KCNQ2: variants seen among roughly 807,000 people sequenced by gnomAD.
KCNQ2 encodes potassium voltage-gated channel subfamily KQT member 2.
KCNQ2 carries 14 observed loss-of-function variants against 84.8 expected under a neutral mutation model. That is an observed-to-expected ratio of 0.17 (90% CI 0.11 to 0.26). KCNQ2 has a LOEUF of 0.26. KCNQ2 is among the 10% of genes least tolerant of loss of function. The pLI is 1.00. For missense variants in KCNQ2, 788 were observed against 1,254.0 expected (o/e 0.63, Z 5.61); for synonymous variants, 599 against 554.1 (o/e 1.08, Z -1.14).
chr20:63,419,965 G>T (rs1306029321), intron 11 of KCNQ2, among the ~76,000 whole-genome samples: 3 of 151,838 alleles, frequency 2.0e-5, no homozygotes, highest in African/African-American at 7.3e-5. Context: ...ATTATTTTTT[G>T]CAGTATTCAT....
At position 63,439,718 on chromosome 20, in the gene KCNQ2, C is replaced by T. The variant is rs375363057; in HGVS notation, c.817-10G>A. Reference sequence around the variant, plus strand: ...TGGTGGTCAGCGTGATCTGTGGGACCGCAGGCTCTAGTCACACGAAGGGCC... The same window carrying T: ...TGGTGGTCAGCGTGATCTGTGGGACTGCAGGCTCTAGTCACACGAAGGGCC... On this transcript the variant is annotated splice_polypyrimidine_tract_variant and intron_variant, in intron 5 of 16. Transcript: ENST00000359125. The T allele has an allele frequency of 5.6e-6, 9 of 1,599,912 alleles. No individual in the cohort carries two copies. Among genetic ancestry groups the T allele is most frequent in the African/African-American group, 1.3e-5 (1 of 74,782 alleles).
chr20:63,451,509 A>G (rs963559989), intron 1 of KCNQ2, among the ~76,000 whole-genome samples: 2 of 152,102 alleles, frequency 1.3e-5, no homozygotes, highest in African/African-American at 2.4e-5. Context: ...GGCTTTTGTG[A>G]TTGAAACAGC....
chr20:63,432,606 ACCCACAGGGAAGG>A (rs2080850282), intron 8 of KCNQ2, among the ~76,000 whole-genome samples: 1 of 145,434 alleles, frequency 6.9e-6, no homozygotes, highest in South Asian at 2.2e-4. Flanking sequence ...GGAAGGCTCC[ACCCACAGGGAAGG>A]CTCCACCCTC....
At chr20:63,442,937 A>T in intron 4 of KCNQ2, among the ~76,000 whole-genome samples, 1 of 111,492 alleles carries the variant, frequency 9.0e-6, no homozygotes, top group Non-Finnish European at 2.0e-5. Flanking sequence ...CACCATCACC[A>T]CCACCATCAC....
At chr20:63,426,959 G>A (rs149701163) in intron 10 of KCNQ2, among the ~76,000 whole-genome samples, 163 of 152,294 alleles carry the variant, frequency 1.1e-3, no homozygotes, top group African/African-American at 3.7e-3. Flanking sequence ...AGTGGCTCAC[G>A]CCTGTAATCC....
In KCNQ2 at chr20:63,405,904, G is replaced by C. The variant is rs1397536027; in HGVS notation, c.*740C>G. 6.6e-6 allele frequency: 1 copy of C among 152,142 alleles called. No homozygotes were observed. The allele number at this position is 152,142 out of a possible 1,614,324, so 9.4% of individuals were successfully genotyped here. On this transcript the variant is annotated 3_prime_UTR_variant, in exon 17 of 17. Transcript: ENST00000359125. ...CACCGTGAGCCAGGCCCTCCCTCTG[G>C]AGGCCAAGACCAGAGGGCTGGACGT...
chr20:63,439,549 C>T (rs1452308130), intron 6 of KCNQ2, 49 bp downstream of exon 6: 1 of 1,421,944 alleles, frequency 7.0e-7, no homozygotes, highest in Non-Finnish European at 9.9e-7. Flanking sequence ...CCTCGGGAGC[C>T]TACAAGACCT....
In KCNQ2 at chr20:63,419,735, G is replaced by A. The variant is rs553826268; in HGVS notation, c.1248-63C>T. ...GCAACAGCACACGGCCGGGAGCAGG[G>A]AAACTGAGGCACTGCAACCACCCAG... On this transcript the variant is annotated intron_variant, in intron 11 of 16. Coordinates refer to ENST00000359125, the MANE Select transcript of KCNQ2 (RefSeq NM_172107.4). 8 of 1,466,364 alleles carry A rather than the reference G, an allele frequency of 5.5e-6. No individual in the cohort carries two copies. The South Asian group carries it at 8.4e-5, about 15-fold the overall frequency. 90.8% of individuals were successfully genotyped at this position (1,466,364 alleles called of 1,614,324 possible). A position where few individuals can be genotyped will look rare whatever the true frequency, so the allele number is the denominator to read the frequency against.
intron 1 of KCNQ2, among the ~76,000 whole-genome samples, chr20:63,468,338 A>G (rs1191834924): frequency 6.6e-6 from 1 of 152,168 alleles, no homozygotes; most frequent in Non-Finnish European, 1.5e-5. Flanking sequence ...TGGTCCTGCC[A>G]GGGCCCCGCT....
At position 63,450,511 on chromosome 20, in the gene KCNQ2, G is replaced by A. The variant is rs572909784; in HGVS notation, c.297-3674C>T. Among the ~76,000 whole-genome samples the A allele has an allele frequency of 3.2e-5, 4 of 124,032 alleles. 1 individual carries two copies. Among genetic ancestry groups the A allele is most frequent in the South Asian group, 5.4e-4 (2 of 3,722 alleles). 81.4% of individuals were successfully genotyped at this position (124,032 alleles called of 152,430 possible). On this transcript the variant is annotated intron_variant, in intron 1 of 16. Transcript: ENST00000359125. ...CTGGGCGCTGCAGTCACCCCTGGGG[G>A]CAGAGCCCCAGAAGACCTGCTGGGG... is the stretch of plus-strand genomic sequence containing the variant.
intron 1 of KCNQ2, chr20:63,471,186 GGCCGGTCCC>G (rs2082205116): frequency 6.6e-6 from 1 of 152,332 alleles, no homozygotes; most frequent in African/African-American, 2.4e-5. Flanking sequence ...CACACAAAAT[GGCCGGTCCC>G]GGAGCTCAGC....
Position 63,425,198 on chromosome 20 carries a change from C to A in KCNQ2, c.1218-992G>T, listed in dbSNP as rs2080591525. On this transcript the variant is annotated intron_variant, in intron 10 of 16. Coordinates refer to ENST00000359125, the MANE Select transcript of KCNQ2 (RefSeq NM_172107.4). The surrounding 1 kb of genome is among the most constrained non-coding windows in gnomAD (Gnocchi z 5.5). ...GGCTCATCAGGATGTTCCAGGATGACCTCATCTCAAGATCCCAAGCTCAGT... is the reference window on the plus strand; with the variant it reads ...GGCTCATCAGGATGTTCCAGGATGAACTCATCTCAAGATCCCAAGCTCAGT... Among the ~76,000 whole-genome samples the A allele has an allele frequency of 2.6e-5, 4 of 152,176 alleles. No homozygotes were observed. In the South Asian group the frequency reaches 6.2e-4, roughly 24 times the overall value.
In KCNQ2 at chr20:63,405,100, C is replaced by A. The variant is rs1046944862; in HGVS notation, c.*1544G>T. 2 of 152,302 alleles carry A rather than the reference C, an allele frequency of 1.3e-5. No homozygotes were observed. The highest frequency in any genetic ancestry group is 4.8e-5 in the African/African-American group (2 of 41,448). The allele number at this position is 152,302 out of a possible 1,614,324, so 9.4% of individuals were successfully genotyped here. ...AAGTCCTCTCCCTCAGGACTGGTTC[C>A]CCTGCTGGCCTCAGGGCCTCAGGAC... On this transcript the variant is annotated 3_prime_UTR_variant, in exon 17 of 17. Coordinates refer to ENST00000359125, the MANE Select transcript of KCNQ2 (RefSeq NM_172107.4).
At chr20:63,470,559 G>A (rs940834397) in intron 1 of KCNQ2, among the ~76,000 whole-genome samples, 2 of 152,352 alleles carry the variant, frequency 1.3e-5, no homozygotes, top group African/African-American at 4.8e-5. Context: ...CTGACCCAAC[G>A]GGAAACCTCA....
chr20:63,419,872 G>GA lies in KCNQ2; in HGVS notation c.1248-201dup, dbSNP rs1253615431. On this transcript the variant is annotated intron_variant, in intron 11 of 16. Transcript: ENST00000359125. Reference sequence around the variant, plus strand: ...AGAAAACACTTCCCTATTTCTGAAGGAAAAAAATCCCTGTTTTTTTTTTCC... The same window carrying GA: ...AGAAAACACTTCCCTATTTCTGAAGGAAAAAAAATCCCTGTTTTTTTTTTCC... 6.0e-5 allele frequency among the ~76,000 whole-genome samples: 9 copies of GA among 148,882 alleles called. No homozygotes were observed. In the South Asian group the frequency reaches 6.4e-4, roughly 11 times the overall value.
At chr20:63,433,729 C>T (rs756350103) in intron 8 of KCNQ2, 80 bp downstream of exon 8, 2 of 1,610,108 alleles carry the variant, frequency 1.2e-6, no homozygotes, top group South Asian at 1.1e-5. Flanking sequence ...AAATAATGAA[C>T]AACAAAAAGT....
chr20:63,410,901 G>C (rs771253236), intron 15 of KCNQ2: 21 of 407,032 alleles, frequency 5.2e-5, no homozygotes, highest in African/African-American at 3.5e-4. Context: ...TCCGCCCCAG[G>C]GGCTCTACCC....
chr20:63,419,149 C>T (rs375060017), intron 12 of KCNQ2, among the ~76,000 whole-genome samples: 5 of 152,210 alleles, frequency 3.3e-5, no homozygotes, highest in Non-Finnish European at 2.9e-5. Context: ...GAGGGAGCCG[C>T]GGGCCTCTGG....
chr20:63,472,347 C>A lies in KCNQ2; in HGVS notation c.117G>T (p.Ala39=). 1 of 1,535,514 alleles carries A rather than the reference C, an allele frequency of 6.5e-7. No individual in the cohort carries two copies. Among genetic ancestry groups the A allele is most frequent in the Non-Finnish European group, 8.8e-7 (1 of 1,142,186 alleles). ...PGAPDSTRDG[A]LLIAGSEAPK... is the part of the protein sequence containing the mutation. Reference sequence around the variant, plus strand: ...GGGCCTCGGAGCCGGCGATCAGCAGCGCCCCGTCCCGGGTGGAGTCGGGCG... The same window carrying A: ...GGGCCTCGGAGCCGGCGATCAGCAGAGCCCCGTCCCGGGTGGAGTCGGGCG... Residue 39 remains alanine (A), a synonymous_variant, in exon 1 of 17, where the codon GCG becomes GCT. Coordinates refer to ENST00000359125, the MANE Select transcript of KCNQ2 (RefSeq NM_172107.4).
Sources: allele counts gnomAD v4.1 joint callset (sites outside exome capture counted in the v4.1 genomes callset), GRCh38; gene constraint gnomAD v4.1.1; non-coding constraint Gnocchi (gnomAD v3.1); transcripts MANE v1.5; gene names NCBI Gene and HGNC (gene_info 2026-07-23, HGNC 2026-07-21).